ACYP2: variants seen among roughly 807,000 people sequenced by gnomAD.
The protein encoded by ACYP2 is acylphosphatase-2.
Under a neutral mutation model 11.2 loss-of-function variants are expected in ACYP2, and 12 were observed. The ratio of observed to expected loss-of-function variants is 1.08; its 90% CI spans 0.69 to 1.74. The LOEUF (loss-of-function observed/expected upper bound fraction) is 1.74, where lower values mean the gene tolerates loss of function less well. Ranked by LOEUF, ACYP2 falls within the 40% of genes most tolerant of loss-of-function variation. The pLI, the probability that ACYP2 is intolerant of heterozygous loss-of-function variation, is 0.00. For synonymous variants in ACYP2, 43 were observed against 32.2 expected (o/e 1.33, Z -1.13); for missense variants, 134 against 101.9 (o/e 1.31, Z -1.35).
intron 6 of ACYP2, among the ~76,000 whole-genome samples, chr2:54,195,734 T>G (rs2103895805): frequency 6.6e-6 from 1 of 150,996 alleles, no homozygotes; most frequent in Middle Eastern, 3.5e-3. Flanking sequence ...TTCATTTAGT[T>G]GCAAGAGAGG....
intron 2 of ACYP2, among the ~76,000 whole-genome samples, chr2:53,990,020 C>T (rs1164329400): frequency 6.8e-6 from 1 of 146,910 alleles, no homozygotes; most frequent in African/African-American, 2.5e-5. Flanking sequence ...TGCTCTGTTG[C>T]CCAGGCTGAG....
rs1684835755 is a variant in ACYP2 at position 54,201,684 on chromosome 2, C to CTTTCTTTCTT, written c.404+62937_404+62938insTTCTTTCTTT. Among the ~76,000 whole-genome samples the CTTTCTTTCTT allele has an allele frequency of 1.1e-3, 44 of 39,500 alleles. 1 individual carries two copies. The highest frequency in any genetic ancestry group is 7.3e-3 in the South Asian group (8 of 1,096). The allele number at this position is 39,500 out of a possible 152,430, so 25.9% of individuals were successfully genotyped here. A position where few individuals can be genotyped will look rare whatever the true frequency, so the allele number is the denominator to read the frequency against. ...TTTCTTTCTTTCTTTCTTTCTTTCT[C>CTTTCTTTCTT]TCTCTCTCTCTCTCTTTTTTCTTTT... is the stretch of plus-strand genomic sequence containing the variant. On this transcript the variant is annotated intron_variant, in intron 6 of 6. Transcript: ENST00000607452.
intron 6 of ACYP2, among the ~76,000 whole-genome samples, chr2:54,170,829 C>T (rs1360551414): frequency 6.6e-6 from 1 of 152,188 alleles, no homozygotes. Flanking sequence ...AGTAGTTACA[C>T]AGTCAAAGGT....
Position 54,092,528 on chromosome 2 carries a change from C to T in ACYP2, c.277+35168C>T, listed in dbSNP as rs144741394. On this transcript the variant is annotated intron_variant, in intron 4 of 6. Transcript: ENST00000607452. ...AGGGATGAGGAATGGAATCATCCAC[C>T]AGTTAAGCCATCTAGAGCAGCATAG... 1.0e-3 allele frequency among the ~76,000 whole-genome samples: 154 copies of T among 152,176 alleles called. 1 individual carries two copies. The highest frequency in any genetic ancestry group is 3.6e-3 in the African/African-American group (151 of 41,518).
intron 6 of ACYP2, among the ~76,000 whole-genome samples, chr2:54,249,350 T>G (rs1687101943): frequency 1.3e-5 from 2 of 151,840 alleles, no homozygotes; most frequent in Admixed American, 1.3e-4. Flanking sequence ...TTAAAAGTCC[T>G]TATTTCCTAC....
chr2:54,127,679 C>T (rs577773633), intron 4 of ACYP2, among the ~76,000 whole-genome samples: 5 of 134,454 alleles, frequency 3.7e-5, no homozygotes, highest in African/African-American at 1.1e-4. Flanking sequence ...ACCTGGGAGG[C>T]GGAGGTTGCA....
chr2:54,276,441 C>T (rs940035160), intron 6 of ACYP2, among the ~76,000 whole-genome samples: 21 of 152,144 alleles, frequency 1.4e-4, no homozygotes, highest in African/African-American at 5.1e-4. Context: ...GATGGAGTTA[C>T]TAAACCCACT....
intron 2 of ACYP2, among the ~76,000 whole-genome samples, chr2:53,980,037 A>G (rs1671674749): frequency 1.3e-5 from 2 of 152,218 alleles, no homozygotes; most frequent in South Asian, 2.1e-4. Context: ...AAAAGAGTCA[A>G]AAAGTTAAAA....
intron 4 of ACYP2, among the ~76,000 whole-genome samples, chr2:54,119,223 T>C (rs1216364729): frequency 2.6e-5 from 4 of 151,902 alleles, no homozygotes; most frequent in Non-Finnish European, 5.9e-5. Context: ...CAGCTAACTT[T>C]TTAATTTTTC....
intron 6 of ACYP2, among the ~76,000 whole-genome samples, chr2:54,149,728 G>A (rs1177896467): frequency 2.0e-5 from 3 of 152,050 alleles, no homozygotes; most frequent in East Asian, 1.9e-4. Flanking sequence ...TTTTTAAACC[G>A]TATGTTATGT....
chr2:54,137,094 GAA>G (rs1027956616), intron 5 of ACYP2, among the ~76,000 whole-genome samples: 15 of 152,078 alleles, frequency 9.9e-5, no homozygotes, highest in African/African-American at 3.6e-4. Context: ...TTTGGAGCTA[GAA>G]AAAGGCAATT....
chr2:54,276,469 T>C lies in ACYP2; in HGVS notation c.405-28219T>C, dbSNP rs558868760. Among the ~76,000 whole-genome samples the C allele has an allele frequency of 2.0e-5, 3 of 152,268 alleles. No individual in the cohort carries two copies. In the East Asian group the frequency reaches 5.8e-4, roughly 29 times the overall value. ...AACCCACTGAGAAGACTCAATACCA[T>C]GGGTAGAATCTTCATTAGTGTTTAA... On this transcript the variant is annotated intron_variant, in intron 6 of 6. Coordinates refer to ENST00000607452, the MANE Select transcript of ACYP2 (RefSeq NM_001320586.2).
chr2:54,244,026 T>C (rs888598845), intron 6 of ACYP2, among the ~76,000 whole-genome samples: 18 of 152,078 alleles, frequency 1.2e-4, no homozygotes, highest in African/African-American at 4.1e-4. Context: ...TTTGTTTTCT[T>C]CTAGTATTTT....
intron 2 of ACYP2, among the ~76,000 whole-genome samples, chr2:54,026,501 G>C (rs890958940): frequency 1.3e-5 from 2 of 152,172 alleles, no homozygotes; most frequent in African/African-American, 2.4e-5. Flanking sequence ...ACAGTATGGA[G>C]ATTCCTTAAA....
At chr2:54,201,380 C>T (rs919376692) in intron 6 of ACYP2, among the ~76,000 whole-genome samples, 2 of 152,052 alleles carry the variant, frequency 1.3e-5, no homozygotes, top group African/African-American at 4.8e-5. Flanking sequence ...GCTGAGATTA[C>T]AGGCGTGAGC....
chr2:54,028,695 C>T (rs568328333), intron 2 of ACYP2, among the ~76,000 whole-genome samples: 1 of 152,262 alleles, frequency 6.6e-6, no homozygotes, highest in South Asian at 2.1e-4. Context: ...GTTCTTCGGT[C>T]CCATTGAATT....
chr2:54,157,274 G>A (rs1042828730), intron 6 of ACYP2, among the ~76,000 whole-genome samples: 2 of 152,044 alleles, frequency 1.3e-5, no homozygotes, highest in African/African-American at 4.8e-5. Flanking sequence ...ACATTCCCAT[G>A]TAGTTACATT....
intron 4 of ACYP2, among the ~76,000 whole-genome samples, chr2:54,078,002 C>T (rs1677437683): frequency 6.6e-6 from 1 of 150,518 alleles, no homozygotes; most frequent in Non-Finnish European, 1.5e-5. Flanking sequence ...TGGAGTCTCG[C>T]TCTGTCACCC....
chr2:54,049,437 G>A (rs2104569522), intron 2 of ACYP2, among the ~76,000 whole-genome samples: 1 of 152,132 alleles, frequency 6.6e-6, no homozygotes, highest in African/African-American at 2.4e-5. Context: ...TAAATATGCT[G>A]TTTCCCATTT....
Sources: gnomAD v4.1 joint callset for allele counts (sites outside exome capture counted in the v4.1 genomes callset) on GRCh38, gnomAD v4.1.1 for gene constraint, MANE v1.5 for transcripts, NCBI Gene and HGNC (gene_info 2026-07-23, HGNC 2026-07-21) for gene names.